COL6A2: variants seen among roughly 807,000 people sequenced by gnomAD.
COL6A2 encodes the protein collagen type VI alpha 2 chain, also known as collagen alpha-2(VI) chain.
A neutral mutation model predicts 124.9 loss-of-function variants in COL6A2; 90 were observed. That is an observed-to-expected ratio of 0.72 (90% CI 0.61 to 0.86). The LOEUF (loss-of-function observed/expected upper bound fraction) is 0.86, where lower values mean the gene tolerates loss of function less well. Ranked by LOEUF, COL6A2 falls within the 40% of genes least tolerant of loss-of-function variation. The probability of loss-of-function intolerance (pLI) is 0.00; values close to 1 mark genes in which losing one functional copy is unlikely to be tolerated. For missense variants in COL6A2, 1,607 were observed against 1,502.5 expected, an observed-to-expected ratio of 1.07 and a Z score of -1.15; for synonymous variants, 793 against 618.2, an observed-to-expected ratio of 1.28 and a Z score of -4.19.
intron 4 of COL6A2, among the ~76,000 whole-genome samples, chr21:46,113,329 C>G (rs2123618894): frequency 6.6e-6 from 1 of 152,234 alleles, no homozygotes; most frequent in African/African-American, 2.4e-5. Flanking sequence ...AATGGTGCCT[C>G]CCTCACCAGT....
At position 46,112,827 on chromosome 21, in the gene COL6A2, G is replaced by A; in HGVS notation, c.735+3G>A. On this transcript the variant is annotated splice_donor_region_variant and intron_variant, in intron 4 of 27. Coordinates refer to ENST00000300527, the MANE Select transcript of COL6A2 (RefSeq NM_001849.4). Reference sequence around the variant, plus strand: ...AGAAACACGAAGCCTACGGAGAGGTGAGTGGCGCTTCCCTTCCTGCCAGTG... The same window carrying A: ...AGAAACACGAAGCCTACGGAGAGGTAAGTGGCGCTTCCCTTCCTGCCAGTG... The A allele has an allele frequency of 6.2e-7, 1 of 1,613,684 alleles. No homozygotes were observed. The highest frequency in any genetic ancestry group is 8.5e-7 in the Non-Finnish European group (1 of 1,180,032).
At chr21:46,113,811 G>T in intron 4 of COL6A2, 197 bp from the exon 5 acceptor site, 1 of 656,494 alleles carries the variant, frequency 1.5e-6, no homozygotes, top group Non-Finnish European at 2.8e-6. Flanking sequence ...CAAACTCTTT[G>T]GCTTGTCCCT....
rs114428553 is a variant in COL6A2, at chr21:46,101,411, T to A, written c.-28+3238T>A. On this transcript the variant is annotated intron_variant, in intron 1 of 27. Coordinates refer to ENST00000300527, the MANE Select transcript of COL6A2 (RefSeq NM_001849.4). The stretch of plus-strand genomic sequence containing the variant: ...CACTAGATAGATGCAAAAAATGTTT[T>A]TAAATTTTGGTGTAATCTGATTTAT... 2.4e-3 allele frequency among the ~76,000 whole-genome samples: 366 copies of A among 152,356 alleles called. 1 individual carries two copies. The highest frequency in any genetic ancestry group is 8.4e-3 in the African/African-American group (350 of 41,592).
chr21:46,114,408 G>A (rs1249171115), intron 5 of COL6A2, among the ~76,000 whole-genome samples: 11 of 147,312 alleles, frequency 7.5e-5, no homozygotes, highest in African/African-American at 2.5e-4. Context: ...CTGGGCAACA[G>A]AGTAAGACTC....
At chr21:46,098,648 G>A (rs1286703292) in intron 1 of COL6A2, 3 of 151,994 alleles carry the variant, frequency 2.0e-5, no homozygotes, top group African/African-American at 7.2e-5. Flanking sequence ...CGGAAGGGGC[G>A]GCGGGGCGGG....
At chr21:46,124,101 G>A (rs2078618290) in intron 21 of COL6A2, among the ~76,000 whole-genome samples, 1 of 151,186 alleles carries the variant, frequency 6.6e-6, no homozygotes, top group African/African-American at 2.4e-5. Context: ...GGTAGAGGAT[G>A]GACGGACAGG....
intron 21 of COL6A2, 119 bp downstream of exon 21, chr21:46,123,056 G>T: frequency 1.0e-6 from 1 of 983,284 alleles, no homozygotes; most frequent in Non-Finnish European, 1.6e-6. Context: ...CCAGCCATGA[G>T]CACCACCCCC....
Position 46,116,861 on chromosome 21 carries a change from T to G in COL6A2, c.999+47T>G. 1.9e-6 allele frequency: 3 copies of G among 1,602,914 alleles called. No homozygotes were observed. The highest frequency in any genetic ancestry group is 2.6e-6 in the Non-Finnish European group (3 of 1,171,938). On this transcript the variant is annotated intron_variant, in intron 10 of 27. Transcript: ENST00000300527. The surrounding 1 kb of genome is among the most constrained non-coding windows in gnomAD (Gnocchi z 4.6). ...CAGCTGGACTGGTCTCACAGAGGCATCCCAGCCTCTGCAGGGCCCCCAGAT... is the reference window on the plus strand; with the variant it reads ...CAGCTGGACTGGTCTCACAGAGGCAGCCCAGCCTCTGCAGGGCCCCCAGAT...
At chr21:46,125,640 C>T in intron 25 of COL6A2, 23 bp downstream of exon 25, 2 of 1,592,928 alleles carry the variant, frequency 1.3e-6, no homozygotes, top group Non-Finnish European at 8.6e-7. Flanking sequence ...GGGGCGGGTG[C>T]AGCATTGCGG....
chr21:46,113,980 A>G (rs2078437700), intron 4 of COL6A2, 28 bp from the exon 5 acceptor site: 1 of 1,608,348 alleles, frequency 6.2e-7, no homozygotes, highest in Non-Finnish European at 8.5e-7. Flanking sequence ...CACCCATGCA[A>G]CCTTCTGTCT....
At position 46,116,360 on chromosome 21, in the gene COL6A2, T is replaced by C; in HGVS notation, c.901-17T>C. 1.9e-6 allele frequency: 3 copies of C among 1,612,486 alleles called. No individual in the cohort carries two copies. Among genetic ancestry groups the C allele is most frequent in the Non-Finnish European group, 2.5e-6 (3 of 1,179,836 alleles). The stretch of plus-strand genomic sequence containing the variant: ...GCAGAGCTCCTCACTAATGCCCCTC[T>C]CTCCTCCTGCCCCCAGGGCGTTCCT... On this transcript the variant is annotated splice_polypyrimidine_tract_variant and intron_variant, in intron 7 of 27. Coordinates refer to ENST00000300527, the MANE Select transcript of COL6A2 (RefSeq NM_001849.4). This position sits in a 1 kb window ranked among gnomAD's most constrained non-coding sequence, Gnocchi z 4.6.
At chr21:46,119,677 C>T in intron 14 of COL6A2, 111 bp from the exon 15 acceptor site, 1 of 997,522 alleles carries the variant, frequency 1.0e-6, no homozygotes, top group Non-Finnish European at 1.5e-6. Flanking sequence ...GGTCCCAAAG[C>T]CAGAGCCCTC....
chr21:46,098,465 C>T (rs896683047), intron 1 of COL6A2, among the ~76,000 whole-genome samples: 1 of 149,206 alleles, frequency 6.7e-6, no homozygotes, highest in African/African-American at 2.5e-5. Context: ...GTGGGGGGGT[C>T]CCTGTCTGCG....
rs367980010 is a variant in COL6A2 at position 46,132,335 on chromosome 21, C to T, written c.2843C>T (p.Thr948Met). ...GCAGAGCTGTCCTTCGTGTTCCTCACGGACGGCGTCACGGGCAACGACAGT... is the reference window on the plus strand; with the variant it reads ...GCAGAGCTGTCCTTCGTGTTCCTCATGGACGGCGTCACGGGCAACGACAGT... ...RHAELSFVFL[T>M]DGVTGNDSLH... is the part of the protein sequence containing the mutation. Residue 948 changes from threonine to methionine, a missense_variant, in exon 28 of 28, where the codon ACG becomes ATG. By Grantham distance (81) the Thr-to-Met change is moderately conservative. This residue lies in a region of COL6A2 where 1,223 missense variants were observed against 1,052.2 expected (regional missense o/e 1.16). Coordinates refer to ENST00000300527, the MANE Select transcript of COL6A2 (RefSeq NM_001849.4). 46 of 1,607,684 alleles carry T rather than the reference C, an allele frequency of 2.9e-5. No individual in the cohort carries two copies. The highest frequency in any genetic ancestry group is 1.6e-4 in the South Asian group (15 of 91,064).
rs185275622 is a variant in COL6A2 at position 46,117,235 on chromosome 21, C to T, written c.1000-165C>T. The stretch of plus-strand genomic sequence containing the variant: ...CTGCACAACGGCCACTCTGCCTCCC[C>T]GGAGACAGCTCCACAGCAGCCGTGG... On this transcript the variant is annotated intron_variant, in intron 10 of 27. Transcript: ENST00000300527. Among the ~76,000 whole-genome samples the T allele has an allele frequency of 2.9e-3, 439 of 152,384 alleles. 2 individuals carry two copies. Among genetic ancestry groups the T allele is most frequent in the African/African-American group, 0.01 (421 of 41,600 alleles).
Position 46,112,412 on chromosome 21 carries a change from G to A in COL6A2, c.549G>A (p.Glu183=), listed in dbSNP as rs1212443466. 6.2e-7 allele frequency: 1 copy of A among 1,608,950 alleles called. No homozygotes were observed. The highest frequency in any genetic ancestry group is 2.2e-5 in the East Asian group (1 of 44,822). Residue 183 remains glutamate (E), a synonymous_variant, in exon 3 of 28, where the codon GAG becomes GAA. Coordinates refer to ENST00000300527, the MANE Select transcript of COL6A2 (RefSeq NM_001849.4). The stretch of plus-strand genomic sequence containing the variant: ...TGCAGGCCGAGCGGGCCCGCGAGGA[G>A]GGCATCCGGCTCTTCGCCGTGGCCC... ...IKLQAERARE[E]GIRLFAVAPN...
rs1205962829 is a variant in COL6A2, at chr21:46,124,660, G to A, written c.1681G>A (p.Gly561Ser). Residue 561 changes from glycine (G) to serine (S), a missense_variant, in exon 22 of 28, where the codon GGT becomes AGT. Physicochemically the swap from Gly to Ser is moderately conservative, Grantham distance 56. Around this residue, in one of 3 missense-constraint regions of COL6A2, gnomAD observed 1,223 missense variants for 1,052.2 expected, o/e 1.16. Coordinates refer to ENST00000300527, the MANE Select transcript of COL6A2 (RefSeq NM_001849.4). ...TCTTGTTCCTTCTCAGGCGGATCCT[G>A]GTCCCCCTGGTGAGCCAGGCCCTCG... is the stretch of plus-strand genomic sequence containing the variant. ...KGEKGEPADP[G>S]PPGEPGPRGP... is the part of the protein sequence containing the mutation. 1 of 1,612,944 alleles carries A rather than the reference G, an allele frequency of 6.2e-7. No individual in the cohort carries two copies. The highest frequency in any genetic ancestry group is 8.5e-7 in the Non-Finnish European group (1 of 1,179,920).
intron 27 of COL6A2, 72 bp downstream of exon 27, chr21:46,126,613 C>T (rs575204138): frequency 2.8e-5 from 44 of 1,553,234 alleles, no homozygotes; most frequent in Non-Finnish European, 3.4e-5. Flanking sequence ...CCTCGAGGGC[C>T]GGGCTGGGGG....
chr21:46,099,889 CTTTTTTTTTTTT>C (rs869028897), intron 1 of COL6A2, among the ~76,000 whole-genome samples: 1 of 91,840 alleles, frequency 1.1e-5, no homozygotes, highest in Non-Finnish European at 2.1e-5. Flanking sequence ...GCAGCACTGT[CTTTTTTTTTTTT>C]TTTTTTTTTT....
Sources: gnomAD v4.1 joint callset for allele counts (sites outside exome capture counted in the v4.1 genomes callset) on GRCh38, gnomAD v4.1.1 for gene constraint, gnomAD v4.1.1 regional missense constraint, Gnocchi (gnomAD v3.1) non-coding constraint, MANE v1.5 for transcripts, NCBI Gene and HGNC (gene_info 2026-07-23, HGNC 2026-07-21) for gene names.